The following PRELID2 variants were observed in gnomAD, a reference collection of about 807,000 sequenced individuals.
PRELID2 encodes PRELI domain-containing protein 2.
Under a neutral mutation model 28.4 loss-of-function variants are expected in PRELID2, and 25 were observed. The observed-to-expected ratio is 0.88, with a 90% CI of 0.64 to 1.23. The LOEUF (loss-of-function observed/expected upper bound fraction) is 1.23. Ranked by LOEUF, PRELID2 falls within the 50% of genes most tolerant of loss-of-function variation. The probability of loss-of-function intolerance (pLI) is 0.00; values close to 1 mark genes in which losing one functional copy is unlikely to be tolerated. For missense variants in PRELID2, 201 were observed against 214.4 expected (o/e 0.94, Z 0.39); for synonymous variants, 76 against 71.6 (o/e 1.06, Z -0.31).
intron 1 of PRELID2, among the ~76,000 whole-genome samples, chr5:145,648,127 AAAG>A (rs1285536118): frequency 6.6e-6 from 1 of 152,222 alleles, no homozygotes; most frequent in African/African-American, 2.4e-5. Flanking sequence ...TTATTGTAGT[AAAG>A]AAGATGTGTA....
At chr5:145,272,086 T>A in the PRELID2 span, among the ~76,000 whole-genome samples, 4 of 150,962 alleles carry the variant, frequency 2.6e-5, no homozygotes, top group African/African-American at 7.3e-5. Context: ...GGCAACATAT[T>A]TTTTTTTTAT....
At chr5:145,395,566 C>A in the PRELID2 span, among the ~76,000 whole-genome samples, 2 of 152,132 alleles carry the variant, frequency 1.3e-5, no homozygotes, top group African/African-American at 4.8e-5. Flanking sequence ...CAAAGTCCAG[C>A]CACTCCATTT....
the PRELID2 span, among the ~76,000 whole-genome samples, chr5:145,247,259 C>G: frequency 1.2e-4 from 19 of 152,098 alleles, no homozygotes; most frequent in Admixed American, 1.0e-3. Context: ...CCCTACTCAC[C>G]AAATTATCTT....
the PRELID2 span, among the ~76,000 whole-genome samples, chr5:145,331,415 G>C: frequency 6.6e-6 from 1 of 152,054 alleles, no homozygotes; most frequent in African/African-American, 2.4e-5. Context: ...AAGTCTCTTT[G>C]TAGGCCTCTA....
intron 1 of PRELID2, among the ~76,000 whole-genome samples, chr5:145,488,647 T>C (rs1440090969): frequency 6.6e-6 from 1 of 152,248 alleles, no homozygotes; most frequent in Non-Finnish European, 1.5e-5. Context: ...GCATTCAGTA[T>C]TACGTAAGTA....
intron 1 of PRELID2, among the ~76,000 whole-genome samples, chr5:145,493,403 C>T (rs1327450466): frequency 6.6e-6 from 1 of 152,208 alleles, no homozygotes; most frequent in African/African-American, 2.4e-5. Flanking sequence ...AGACCACCAA[C>T]TAAACGTGAT....
chr5:145,531,233 C>T (rs902069066), intron 1 of PRELID2, among the ~76,000 whole-genome samples: 1 of 152,100 alleles, frequency 6.6e-6, no homozygotes. Context: ...GGGGGAAGGA[C>T]ACCTCTTGAT....
chr5:145,579,166 A>G (rs1231701997), intron 1 of PRELID2, among the ~76,000 whole-genome samples: 1 of 152,118 alleles, frequency 6.6e-6, no homozygotes, highest in Non-Finnish European at 1.5e-5. Context: ...ACTTGGGAAC[A>G]TTATGAAGAG....
At chr5:145,327,537 A>G in the PRELID2 span, among the ~76,000 whole-genome samples, 1 of 152,090 alleles carries the variant, frequency 6.6e-6, no homozygotes, top group Non-Finnish European at 1.5e-5. Context: ...TGTAGGAAGC[A>G]TATTACTGGA....
At chr5:145,415,729 C>T in the PRELID2 span, among the ~76,000 whole-genome samples, 2 of 151,654 alleles carry the variant, frequency 1.3e-5, no homozygotes, top group Admixed American at 6.6e-5. Context: ...TGAATAGTGC[C>T]ACAATAAACA....
At chr5:145,263,484 A>G in the PRELID2 span, among the ~76,000 whole-genome samples, 6 of 151,604 alleles carry the variant, frequency 4.0e-5, no homozygotes, top group Non-Finnish European at 5.9e-5. Flanking sequence ...AACAAAAAAA[A>G]TTGCAAAGCA....
At chr5:145,335,280 C>T in the PRELID2 span, among the ~76,000 whole-genome samples, 6 of 151,668 alleles carry the variant, frequency 4.0e-5, no homozygotes, top group South Asian at 6.2e-4. Context: ...TTATCTCATT[C>T]GTTGCATTAT....
chr5:145,242,602 G>A, the PRELID2 span, among the ~76,000 whole-genome samples: 1 of 152,176 alleles, frequency 6.6e-6, no homozygotes, highest in Admixed American at 6.6e-5. Flanking sequence ...CAAAGTGACA[G>A]CTACAATCAA....
At chr5:145,256,259 T>C in the PRELID2 span, among the ~76,000 whole-genome samples, 1 of 152,014 alleles carries the variant, frequency 6.6e-6, no homozygotes, top group African/African-American at 2.4e-5. Context: ...CTTATCTCAG[T>C]AACACTGACT....
chr5:145,605,926 G>C (rs1753497535), intron 1 of PRELID2, among the ~76,000 whole-genome samples: 1 of 151,814 alleles, frequency 6.6e-6, no homozygotes, highest in Non-Finnish European at 1.5e-5. Context: ...ATTTGTTTGT[G>C]TCATCTCTGA....
At chr5:145,518,546 T>C (rs1156705940) in intron 1 of PRELID2, among the ~76,000 whole-genome samples, 2 of 152,206 alleles carry the variant, frequency 1.3e-5, no homozygotes, top group African/African-American at 4.8e-5. Flanking sequence ...TTCAGACATC[T>C]AAATACAGAT....
At chr5:145,608,970 C>T (rs1191020316) in intron 1 of PRELID2, among the ~76,000 whole-genome samples, 1 of 151,884 alleles carries the variant, frequency 6.6e-6, no homozygotes, top group Non-Finnish European at 1.5e-5. Flanking sequence ...TTAATTTTTT[C>T]TCTTTATCTT....
At chr5:145,578,436 C>T (rs73792629) in intron 1 of PRELID2, among the ~76,000 whole-genome samples, 4,885 of 152,186 alleles carry the variant, frequency 0.032, 239 homozygotes, top group African/African-American at 0.11. Flanking sequence ...ATATGTCTAG[C>T]TCCCTTTTTT....
chr5:145,436,205 G>A, the PRELID2 span, among the ~76,000 whole-genome samples: 3 of 152,060 alleles, frequency 2.0e-5, no homozygotes, highest in African/African-American at 7.2e-5. Context: ...CAGTTCTTGT[G>A]TTAGTTCACT....
Sources: gnomAD v4.1 joint callset for allele counts (sites outside exome capture counted in the v4.1 genomes callset) on GRCh38, gnomAD v4.1.1 for gene constraint, MANE v1.5 for transcripts, NCBI Gene and HGNC (gene_info 2026-07-23, HGNC 2026-07-21) for gene names.